Variants in MAP4K4 observed in about 807,000 individuals in gnomAD.
MAP4K4 encodes the protein HPK/GCK-like kinase HGK.
Under a neutral mutation model 189.6 loss-of-function variants are expected in MAP4K4, and 38 were observed. That is an observed-to-expected ratio of 0.20 (90% CI 0.15 to 0.26). The LOEUF (loss-of-function observed/expected upper bound fraction) is 0.26. Among genes scored for constraint, MAP4K4 ranks in the 10% least tolerant of loss-of-function variants. The pLI is 1.00. For synonymous variants in MAP4K4, 610 were observed against 624.3 expected (o/e 0.98, Z 0.34); for missense variants, 1,054 against 1,726.9 (o/e 0.61, Z 6.91).
intron 3 of MAP4K4, among the ~76,000 whole-genome samples, chr2:101,812,896 G>T (rs544625228): frequency 6.6e-6 from 1 of 152,290 alleles, no homozygotes; most frequent in South Asian, 2.1e-4. Flanking sequence ...GGGAGGCCGA[G>T]GTGGGCGGAT....
chr2:101,833,812 C>G (rs2096660003), intron 7 of MAP4K4, among the ~76,000 whole-genome samples: 1 of 151,984 alleles, frequency 6.6e-6, no homozygotes, highest in African/African-American at 2.4e-5. Context: ...AAAAAAGATT[C>G]CATGTACAGA....
At chr2:101,703,970 G>A (rs1173710509) in intron 2 of MAP4K4, among the ~76,000 whole-genome samples, 1 of 151,922 alleles carries the variant, frequency 6.6e-6, no homozygotes, top group Non-Finnish European at 1.5e-5. Flanking sequence ...AGCCGAGATA[G>A]CACCACTGCA....
At chr2:101,863,404 GT>G (rs1167247828) in intron 16 of MAP4K4, among the ~76,000 whole-genome samples, 1 of 152,126 alleles carries the variant, frequency 6.6e-6, no homozygotes, top group African/African-American at 2.4e-5. Flanking sequence ...GGCTAGGTAG[GT>G]TTGCACATTT....
In MAP4K4 at chr2:101,882,621, A is replaced by G. The variant is rs1226471743; in HGVS notation, c.3456A>G (p.Glu1152=). 3.7e-6 allele frequency: 6 copies of G among 1,612,266 alleles called. No individual in the cohort carries two copies. The African/African-American group carries it at 4.0e-5, about 11-fold the overall frequency. The stretch of plus-strand genomic sequence containing the variant: ...ATAAAATACTTCACAATGATCCAGA[A>G]GTTGAGAAGAAGCAGGGATGGACAA... Residue 1152 remains glutamate (E), a synonymous_variant, in exon 28 of 33, where the codon GAA becomes GAG. Transcript: ENST00000324219.
intron 5 of MAP4K4, among the ~76,000 whole-genome samples, chr2:101,828,493 C>T (rs1293544237): frequency 6.6e-6 from 1 of 152,144 alleles, no homozygotes; most frequent in Non-Finnish European, 1.5e-5. Context: ...ACAGAGCTGT[C>T]GAATAAGCTC....
intron 3 of MAP4K4, among the ~76,000 whole-genome samples, chr2:101,817,818 G>GT (rs1032922239): frequency 3.3e-5 from 5 of 152,232 alleles, no homozygotes; most frequent in East Asian, 1.9e-4. Context: ...TGAAGACAGT[G>GT]TTTTTTTATT....
At chr2:101,732,735 C>A (rs1482572315) in intron 2 of MAP4K4, among the ~76,000 whole-genome samples, 1 of 152,142 alleles carries the variant, frequency 6.6e-6, no homozygotes, top group Non-Finnish European at 1.5e-5. Context: ...ACTACAGGCT[C>A]ACACCACCAT....
chr2:101,710,292 A>G (rs1479353014), intron 2 of MAP4K4, among the ~76,000 whole-genome samples: 4 of 152,252 alleles, frequency 2.6e-5, no homozygotes, highest in African/African-American at 9.6e-5. Context: ...TTGGCATATT[A>G]GAGCATCTTA....
chr2:101,871,610 C>T (rs938211178), exon 24 of MAP4K4: 40 of 1,536,544 alleles, frequency 2.6e-5, no homozygotes, highest in Admixed American at 3.9e-5. Flanking sequence ...CCTCCACCTC[C>T]TCCTCCCCAT....
exon 33 of MAP4K4, chr2:101,891,987 T>TAAAAAAAAAAAAAAAAAAAAAAAAAAA (rs60620198): frequency 1.7e-5 from 1 of 59,818 alleles, no homozygotes; most frequent in Non-Finnish European, 2.8e-5. Flanking sequence ...CAGATGGTTC[T>TAAAAAAAAAAAAAAAAAAAAAAAAAAA]AAAAAAAAAA....
At chr2:101,766,668 T>C (rs1377355123) in intron 2 of MAP4K4, among the ~76,000 whole-genome samples, 1 of 152,174 alleles carries the variant, frequency 6.6e-6, no homozygotes, top group African/African-American at 2.4e-5. Context: ...CTGGATGTTT[T>C]TTCCTAACTT....
At chr2:101,713,855 C>A (rs1272388803) in intron 2 of MAP4K4, among the ~76,000 whole-genome samples, 10 of 152,032 alleles carry the variant, frequency 6.6e-5, no homozygotes, top group Admixed American at 6.6e-4. Context: ...GGTCGCGCCA[C>A]TGCACTCCAG....
chr2:101,732,556 G>A (rs373182832), intron 2 of MAP4K4, among the ~76,000 whole-genome samples: 1 of 152,074 alleles, frequency 6.6e-6, no homozygotes, highest in Non-Finnish European at 1.5e-5. Context: ...TTGTAGCATG[G>A]CTTCCAGTAC....
chr2:101,831,952 T>C, intron 7 of MAP4K4, 101 bp downstream of exon 7: 3 of 1,384,094 alleles, frequency 2.2e-6, no homozygotes, highest in Non-Finnish European at 2.9e-6. Flanking sequence ...GCCTGCCTTT[T>C]CAGGGAGGAA....
At chr2:101,834,498 T>TA in intron 8 of MAP4K4, 35 bp downstream of exon 8, 1 of 1,545,016 alleles carries the variant, frequency 6.5e-7, no homozygotes, top group Non-Finnish European at 8.9e-7. Flanking sequence ...GCTCACTTGT[T>TA]ACATGTGACT....
At chr2:101,835,238 C>G (rs1487475160) in intron 8 of MAP4K4, among the ~76,000 whole-genome samples, 1 of 152,190 alleles carries the variant, frequency 6.6e-6, no homozygotes, top group Non-Finnish European at 1.5e-5. Context: ...TTTTTGTTCA[C>G]AAGGGGAATA....
At chr2:101,877,238 T>A (rs2098228959) in intron 27 of MAP4K4, 92 bp downstream of exon 27, 3 of 1,282,218 alleles carry the variant, frequency 2.3e-6, no homozygotes. Flanking sequence ...CATTCACTGA[T>A]GTACTGGCTA....
intron 2 of MAP4K4, among the ~76,000 whole-genome samples, chr2:101,746,966 C>T (rs1271533426): frequency 7.2e-5 from 11 of 152,046 alleles, no homozygotes; most frequent in Admixed American, 6.6e-4. Context: ...AACATTTTGC[C>T]CTTGTGTCCC....
intron 2 of MAP4K4, among the ~76,000 whole-genome samples, chr2:101,752,006 A>G (rs1166372320): frequency 6.6e-6 from 1 of 152,164 alleles, no homozygotes; most frequent in Non-Finnish European, 1.5e-5. Context: ...TGATCCTCAT[A>G]GAGCAGGTGA....
Sources: allele counts gnomAD v4.1 joint callset (sites outside exome capture counted in the v4.1 genomes callset), GRCh38; gene constraint gnomAD v4.1.1; transcripts MANE v1.5; gene names NCBI Gene and HGNC (gene_info 2026-07-23, HGNC 2026-07-21).